PDZRN3: variants seen among roughly 807,000 people sequenced by gnomAD.
PDZRN3 encodes the protein PDZ domain containing ring finger 3.
Under a neutral mutation model 85.7 loss-of-function variants are expected in PDZRN3, and 38 were observed. That is an observed-to-expected ratio of 0.44 (90% CI 0.34 to 0.58). PDZRN3 has a LOEUF of 0.58. Ranked by LOEUF, PDZRN3 falls within the 20% of genes least tolerant of loss-of-function variation. The pLI, the probability that PDZRN3 is intolerant of heterozygous loss-of-function variation, is 0.01. For synonymous variants in PDZRN3, 759 were observed against 638.0 expected (o/e 1.19, Z -2.86); for missense variants, 1,629 against 1,506.4 (o/e 1.08, Z -1.35).
chr3:73,524,647 T>C (rs533364958), intron 3 of PDZRN3, among the ~76,000 whole-genome samples: 2 of 152,324 alleles, frequency 1.3e-5, no homozygotes, highest in South Asian at 2.1e-4. Context: ...AGATTTTTTT[T>C]TTCCTAGACG....
At chr3:73,393,742 G>T (rs538352897) in intron 5 of PDZRN3, among the ~76,000 whole-genome samples, 1 of 152,074 alleles carries the variant, frequency 6.6e-6, no homozygotes, top group Non-Finnish European at 1.5e-5. Context: ...TTTCTTGCTT[G>T]TATTCAAGCA....
rs746678646 is a variant in PDZRN3, at chr3:73,624,105, T to C, written c.721A>G (p.Lys241Glu). The C allele has an allele frequency of 7.6e-6, 11 of 1,453,518 alleles. No homozygotes were observed. Among genetic ancestry groups the C allele is most frequent in the Non-Finnish European group, 9.9e-6 (11 of 1,111,500 alleles). 90.0% of individuals were successfully genotyped at this position (1,453,518 alleles called of 1,614,324 possible). A position where few individuals can be genotyped will look rare whatever the true frequency, so the allele number is the denominator to read the frequency against. The change falls in exon 1 of 10, where the codon AAG (lysine) becomes GAG (glutamate). Residue 241 changes from lysine to glutamate, a missense_variant and splice_region_variant. By Grantham distance (56) the Lys-to-Glu change is moderately conservative. Transcript: ENST00000263666. ...CGGGGCGGGCAGCAGGCGCCTACCT[T>C]GCCGCCGGGCGGCGCGGCCACGCAG... ...SRCVAAPPGG[K>E]GEETKSLTLV...
chr3:73,580,063 G>C (rs1006946410), intron 3 of PDZRN3, among the ~76,000 whole-genome samples: 7 of 152,120 alleles, frequency 4.6e-5, no homozygotes, highest in Non-Finnish European at 7.4e-5. Context: ...ATTCTGTAAA[G>C]TGCTCCTATG....
Position 73,624,108 on chromosome 3 carries a change from C to A in PDZRN3, c.718G>T (p.Gly240Cys). The A allele has an allele frequency of 1.4e-6, 2 of 1,456,836 alleles. No homozygotes were observed. Among genetic ancestry groups the A allele is most frequent in the Admixed American group, 2.7e-5 (1 of 37,564 alleles). The allele number at this position is 1,456,836 out of a possible 1,614,324, so 90.2% of individuals were successfully genotyped here. The change falls in exon 1 of 10, where the codon GGC becomes TGC. Residue 240 changes from glycine (G) to cysteine (C), a missense_variant. Physicochemically the swap from Gly to Cys is radical, Grantham distance 159. Coordinates refer to ENST00000263666, the MANE Select transcript of PDZRN3 (RefSeq NM_015009.3). Reference sequence around the variant, plus strand: ...GGCGGGCAGCAGGCGCCTACCTTGCCGCCGGGCGGCGCGGCCACGCAGCGG... The same window carrying A: ...GGCGGGCAGCAGGCGCCTACCTTGCAGCCGGGCGGCGCGGCCACGCAGCGG... ...LSRCVAAPPG[G>C]KGEETKSLTL...
chr3:73,624,224 T>G lies in PDZRN3; in HGVS notation c.602A>C (p.Gln201Pro). ...AGKREKSLVA[Q>P]LAAAQLELQM... ...CAGCTCAAGCTGCGCCGCGGCCAGC[T>G]GGGCCACCAGCGACTTCTCGCGCTT... The change falls in exon 1 of 10, where the codon CAG becomes CCG. Residue 201 changes from glutamine (Q) to proline (P), a missense_variant. Physicochemically the swap from Gln to Pro is moderately conservative, Grantham distance 76 (BLOSUM62 -1). Transcript: ENST00000263666. 12 of 1,485,872 alleles carry G rather than the reference T, an allele frequency of 8.1e-6. No homozygotes were observed. The highest frequency in any genetic ancestry group is 1.1e-5 in the Non-Finnish European group (12 of 1,124,632). 92.0% of individuals were successfully genotyped at this position (1,485,872 alleles called of 1,614,324 possible).
At chr3:73,559,160 C>G (rs1435765985) in intron 3 of PDZRN3, among the ~76,000 whole-genome samples, 2 of 152,126 alleles carry the variant, frequency 1.3e-5, no homozygotes, top group African/African-American at 2.4e-5. Context: ...CTGGCTGATG[C>G]CTTTCAGTGG....
At chr3:73,388,930 C>A (rs1255522611) in intron 7 of PDZRN3, among the ~76,000 whole-genome samples, 22 of 67,682 alleles carry the variant, frequency 3.3e-4, no homozygotes, top group South Asian at 1.0e-3. Context: ...CTCCAGCAAT[C>A]AAAAAAAAAA....
intron 1 of PDZRN3, among the ~76,000 whole-genome samples, chr3:73,618,821 T>A (rs542685361): frequency 5.3e-5 from 8 of 152,350 alleles, no homozygotes; most frequent in Non-Finnish European, 8.8e-5. Flanking sequence ...ATTTTCCTTA[T>A]AAATCACAGA....
intron 3 of PDZRN3, among the ~76,000 whole-genome samples, chr3:73,452,884 A>G (rs1382317165): frequency 2.1e-5 from 1 of 46,512 alleles, no homozygotes; most frequent in African/African-American, 6.6e-5. Context: ...TTTTAAGTCC[A>G]TGCAGTTGTC....
intron 3 of PDZRN3, among the ~76,000 whole-genome samples, chr3:73,517,797 A>G (rs1350354575): frequency 6.6e-6 from 1 of 152,252 alleles, no homozygotes; most frequent in African/African-American, 2.4e-5. Context: ...CATCAAAATT[A>G]TAAATGGTTA....
intron 3 of PDZRN3, among the ~76,000 whole-genome samples, chr3:73,466,844 C>A (rs1282664411): frequency 6.6e-6 from 1 of 152,198 alleles, no homozygotes; most frequent in African/African-American, 2.4e-5. Flanking sequence ...ACATAAAACA[C>A]TAGGCAGAAT....
intron 2 of PDZRN3, 112 bp downstream of exon 2, chr3:73,608,486 G>C (rs958045417): frequency 1.2e-5 from 9 of 724,100 alleles, no homozygotes; most frequent in Admixed American, 1.1e-4. Flanking sequence ...TAATGACAGA[G>C]AGCAGAATGA....
chr3:73,557,867 G>A (rs1473371913), intron 3 of PDZRN3, among the ~76,000 whole-genome samples: 1 of 152,054 alleles, frequency 6.6e-6, no homozygotes, highest in Non-Finnish European at 1.5e-5. Context: ...CTTATGTCTT[G>A]CAGACAAGAG....
chr3:73,551,442 G>A (rs1404300243), intron 3 of PDZRN3, among the ~76,000 whole-genome samples: 1 of 152,120 alleles, frequency 6.6e-6, no homozygotes, highest in East Asian at 1.9e-4. Flanking sequence ...TAGCACTTTG[G>A]GAGGCTGAGG....
chr3:73,519,952 A>T (rs1396449340), intron 3 of PDZRN3, among the ~76,000 whole-genome samples: 1 of 152,144 alleles, frequency 6.6e-6, no homozygotes, highest in East Asian at 1.9e-4. Flanking sequence ...CAGCTGTAGG[A>T]GGTGTTATTC....
rs143606237 is a variant in PDZRN3 at position 73,608,622 on chromosome 3, A to G, written c.786T>C (p.Asn262=). 1.3e-4 allele frequency: 211 copies of G among 1,611,902 alleles called. 1 individual carries two copies. The highest frequency in any genetic ancestry group is 3.7e-4 in the Admixed American group (22 of 59,944). ...LHRDSGSLGF[N]IIGGRPSVDN... ...CCACACTCGGCCGGCCACCAATAAT[A>G]TTGAATCCCAGGGAGCCGGAGTCCC... is the stretch of plus-strand genomic sequence containing the variant. Residue 262 remains asparagine (N), a synonymous_variant, in exon 2 of 10, where the codon AAT becomes AAC. Transcript: ENST00000263666.
intron 3 of PDZRN3, among the ~76,000 whole-genome samples, chr3:73,501,113 T>C (rs1390964129): frequency 1.3e-5 from 2 of 152,226 alleles, no homozygotes; most frequent in Non-Finnish European, 2.9e-5. Context: ...CAGCTTATCA[T>C]TATAAACTCT....
chr3:73,406,992 CTT>C (rs1019930095), intron 3 of PDZRN3, among the ~76,000 whole-genome samples: 5 of 152,230 alleles, frequency 3.3e-5, no homozygotes, highest in African/African-American at 7.2e-5. Context: ...TAAAAGAACT[CTT>C]TGTTACCTTT....
At chr3:73,389,931 G>A (rs553248574) in intron 6 of PDZRN3, 53 bp from the exon 7 acceptor site, 2 of 1,281,404 alleles carry the variant, frequency 1.6e-6, no homozygotes, top group African/African-American at 1.5e-5. Flanking sequence ...ATGAAAATAA[G>A]CAACAGCACT....
Sources: gnomAD v4.1 joint callset for allele counts (sites outside exome capture counted in the v4.1 genomes callset) on GRCh38, gnomAD v4.1.1 for gene constraint, MANE v1.5 for transcripts, NCBI Gene and HGNC (gene_info 2026-07-23, HGNC 2026-07-21) for gene names.